Variants in NAA35 observed in about 807,000 individuals in gnomAD.
NAA35 encodes the protein MAK10 homolog, amino-acid N-acetyltransferase subunit.
NAA35 carries 18 observed loss-of-function variants against 101.7 expected under a neutral mutation model. The observed-to-expected ratio is 0.18, with a 90% CI of 0.12 to 0.26. The LOEUF (loss-of-function observed/expected upper bound fraction) is 0.26, where lower values mean the gene tolerates loss of function less well. NAA35 is among the 10% of genes least tolerant of loss of function. NAA35 has a pLI of 1.00. For missense variants in NAA35, 601 were observed against 886.8 expected, an observed-to-expected ratio of 0.68 and a Z score of 4.09; for synonymous variants, 267 against 273.1, an observed-to-expected ratio of 0.98 and a Z score of 0.22.
In NAA35 at chr9:85,996,301, A is replaced by G. The variant is rs1831153951; in HGVS notation, c.878-98A>G. On this transcript the variant is annotated intron_variant, in intron 11 of 22. Transcript: ENST00000361671. The stretch of plus-strand genomic sequence containing the variant: ...GATTTTGTGGTTAGAATTTGTTTGG[A>G]AAAGCTTTTTAAACTGGCATTTTTA... 1.3e-5 allele frequency: 10 copies of G among 772,876 alleles called. No individual in the cohort carries two copies. The South Asian group carries it at 1.8e-4, about 14-fold the overall frequency. The allele number at this position is 772,876 out of a possible 1,614,324, so 47.9% of individuals were successfully genotyped here. A position where few individuals can be genotyped will look rare whatever the true frequency, so the allele number is the denominator to read the frequency against.
At chr9:85,973,488 G>C (rs1447376968) in intron 6 of NAA35, among the ~76,000 whole-genome samples, 1 of 152,098 alleles carries the variant, frequency 6.6e-6, no homozygotes, top group Non-Finnish European at 1.5e-5. Flanking sequence ...AAAGTAGTTA[G>C]ACTAGAATCT....
chr9:85,969,859 TAA>T lies in NAA35; in HGVS notation c.517-5091_517-5090del, dbSNP rs76512245. ...TGGATGGTCAAATGACTCTGTCTCT[TAA>T]AAAAAAAAAAAAAAAAGATGTGTTC... On this transcript the variant is annotated intron_variant, in intron 6 of 22. Coordinates refer to ENST00000361671, the MANE Select transcript of NAA35 (RefSeq NM_024635.4). Among the ~76,000 whole-genome samples, 789 of 134,646 alleles carry T rather than the reference TAA, an allele frequency of 5.9e-3. 4 individuals are homozygous for T. Among genetic ancestry groups the T allele is most frequent in the African/African-American group, 0.019 (692 of 36,850 alleles). The allele number at this position is 134,646 out of a possible 152,430, so 88.3% of individuals were successfully genotyped here. A position where few individuals can be genotyped will look rare whatever the true frequency, so the allele number is the denominator to read the frequency against.
chr9:85,941,799 C>T, intron 1 of NAA35: 1 of 1,004,432 alleles, frequency 1.0e-6, no homozygotes, highest in Non-Finnish European at 1.2e-6. Flanking sequence ...CGAGAGGGGA[C>T]CCTGAATAGT....
chr9:85,943,619 A>G (rs769257389), intron 2 of NAA35, among the ~76,000 whole-genome samples: 3 of 152,196 alleles, frequency 2.0e-5, no homozygotes, highest in South Asian at 2.1e-4. Context: ...GTGACTGCCT[A>G]TGTATGTCTA....
chr9:86,011,068 C>A (rs1587657521), intron 15 of NAA35, among the ~76,000 whole-genome samples: 1 of 151,004 alleles, frequency 6.6e-6, no homozygotes, highest in East Asian at 2.0e-4. Flanking sequence ...CGTGGAAAAA[C>A]CCTGTCTCTA....
At chr9:86,003,524 A>G in intron 12 of NAA35, 61 bp from the exon 13 acceptor site, 1 of 917,484 alleles carries the variant, frequency 1.1e-6, no homozygotes, top group Non-Finnish European at 1.7e-6. Context: ...AGTCTGATGA[A>G]GTGTTTTTAG....
intron 11 of NAA35, among the ~76,000 whole-genome samples, chr9:85,984,609 C>T (rs1830571473): frequency 6.6e-6 from 1 of 152,176 alleles, no homozygotes; most frequent in South Asian, 2.1e-4. Flanking sequence ...AAACCAAGAT[C>T]ATACTTCCTA....
intron 4 of NAA35, 144 bp from the exon 5 acceptor site, chr9:85,959,649 A>G: frequency 1.9e-6 from 1 of 539,098 alleles, no homozygotes; most frequent in Non-Finnish European, 3.3e-6. Flanking sequence ...TTGGTGTGAT[A>G]GTTTTATCAG....
chr9:85,941,918 A>G (rs1185982823), intron 1 of NAA35: 12 of 1,224,896 alleles, frequency 9.8e-6, no homozygotes, highest in Non-Finnish European at 1.2e-5. Flanking sequence ...TAGGAAGGCA[A>G]AATGTTTATG....
In NAA35 at chr9:85,998,139, T is replaced by C. The variant is rs1045170358; in HGVS notation, c.1056+1562T>C. Among the ~76,000 whole-genome samples, 6 of 152,006 alleles carry C rather than the reference T, an allele frequency of 3.9e-5. 1 individual carries two copies. The highest frequency in any genetic ancestry group is 4.1e-4 in the South Asian group (2 of 4,824). ...TCGTGTTAGCCAGGATGGTCTTGATTTCCTGACCTCGTGATCCACCCACCT... is the reference window on the plus strand; with the variant it reads ...TCGTGTTAGCCAGGATGGTCTTGATCTCCTGACCTCGTGATCCACCCACCT... On this transcript the variant is annotated intron_variant, in intron 12 of 22. Transcript: ENST00000361671.
At chr9:85,968,781 C>T (rs1377459804) in intron 6 of NAA35, among the ~76,000 whole-genome samples, 7 of 152,222 alleles carry the variant, frequency 4.6e-5, no homozygotes, top group African/African-American at 1.7e-4. Flanking sequence ...CTTGCCCCAA[C>T]TAGTAATCTA....
chr9:85,946,669 A>AT (rs890208191), intron 2 of NAA35, among the ~76,000 whole-genome samples: 23 of 138,782 alleles, frequency 1.7e-4, no homozygotes, highest in East Asian at 6.3e-4. Flanking sequence ...ACGTTATGAG[A>AT]TTTTTTTTTT....
At chr9:85,987,584 A>C (rs186916303) in intron 11 of NAA35, among the ~76,000 whole-genome samples, 105 of 152,324 alleles carry the variant, frequency 6.9e-4, no homozygotes, top group Non-Finnish European at 1.2e-3. Flanking sequence ...GCATACCCAC[A>C]CATGTGTGCT....
chr9:86,017,370 G>C, intron 18 of NAA35, 128 bp from the exon 19 acceptor site: 1 of 691,850 alleles, frequency 1.4e-6, no homozygotes, highest in Non-Finnish European at 2.4e-6. Flanking sequence ...TTAACCTGTA[G>C]GAACACACTG....
chr9:85,975,169 T>A lies in NAA35; in HGVS notation c.627+12T>A, dbSNP rs1460240595. On this transcript the variant is annotated intron_variant, in intron 8 of 22. Coordinates refer to ENST00000361671, the MANE Select transcript of NAA35 (RefSeq NM_024635.4). The stretch of plus-strand genomic sequence containing the variant: ...AAAGAAGAGTAAAGGTATATATGTT[T>A]TCTGTTTGGTGTGGGGTTTTGGTAC... The A allele has an allele frequency of 6.2e-7, 1 of 1,611,374 alleles. No individual in the cohort carries two copies. The highest frequency in any genetic ancestry group is 1.7e-5 in the Admixed American group (1 of 59,666).
Position 86,023,583 on chromosome 9 carries a change from A to G in NAA35, c.*1623A>G, listed in dbSNP as rs1331290080. Reference sequence around the variant, plus strand: ...TAAAAAATATGTCCCCCTTAAAAGCAAAAAAAGGAATGTAGATTAATGCAA... The same window carrying G: ...TAAAAAATATGTCCCCCTTAAAAGCGAAAAAAGGAATGTAGATTAATGCAA... On this transcript the variant is annotated 3_prime_UTR_variant, in exon 23 of 23. Transcript: ENST00000361671. 2.0e-5 allele frequency among the ~76,000 whole-genome samples: 3 copies of G among 152,170 alleles called. No homozygotes were observed. The highest frequency in any genetic ancestry group is 4.4e-5 in the Non-Finnish European group (3 of 68,022).
At chr9:85,942,023 T>G (rs1828541677) in intron 1 of NAA35, 132 bp from the exon 2 acceptor site, 1 of 1,392,764 alleles carries the variant, frequency 7.2e-7, no homozygotes, top group African/African-American at 1.5e-5. Context: ...GTACTGTCCT[T>G]AGACTCAGAA....
chr9:86,010,592 T>TTA (rs1424415678), intron 15 of NAA35, among the ~76,000 whole-genome samples: 2 of 127,438 alleles, frequency 1.6e-5, no homozygotes. Flanking sequence ...TTTTTTTTTT[T>TTA]AAGACGGTGT....
intron 11 of NAA35, among the ~76,000 whole-genome samples, chr9:85,982,209 G>C (rs900868872): frequency 6.6e-6 from 1 of 152,240 alleles, no homozygotes; most frequent in African/African-American, 2.4e-5. Flanking sequence ...TTTGGCCCTG[G>C]AAAATGGATA....
Sources: allele counts gnomAD v4.1 joint callset (sites outside exome capture counted in the v4.1 genomes callset), GRCh38; gene constraint gnomAD v4.1.1; transcripts MANE v1.5; gene names NCBI Gene and HGNC (gene_info 2026-07-23, HGNC 2026-07-21).